The following KMT2C variants were observed in gnomAD, a reference collection of about 807,000 sequenced individuals.
KMT2C encodes lysine methyltransferase 2C.
KMT2C carries 88 observed loss-of-function variants against 507.9 expected under a neutral mutation model. The observed-to-expected ratio is 0.17, with a 90% CI of 0.15 to 0.21. The LOEUF (loss-of-function observed/expected upper bound fraction) is 0.21. KMT2C is among the 10% of genes least tolerant of loss of function. The pLI is 1.00. For synonymous variants in KMT2C, 2,049 were observed against 2,080.8 expected, an observed-to-expected ratio of 0.98 and a Z score of 0.42; for missense variants, 4,954 against 5,957.8, an observed-to-expected ratio of 0.83 and a Z score of 5.55.
Position 152,148,922 on chromosome 7 carries a change from T to G in KMT2C, c.13005A>C (p.Leu4335=). The change falls in exon 52 of 59, where the codon CTA becomes CTC. Residue 4335 remains leucine (L), a synonymous_variant. Coordinates refer to ENST00000262189, the MANE Select transcript of KMT2C (RefSeq NM_170606.3). The surrounding 1 kb of genome is among the most constrained non-coding windows in gnomAD (Gnocchi z 7.1). ...LKVTVKLKPR[L]RAVHGGFEDC... is the part of the protein sequence containing the mutation. The stretch of plus-strand genomic sequence containing the variant: ...CTTCAAACCCACCATGGACAGCTCT[T>G]AGCCGAGGCTTCAGCTTGACTGTCA... The G allele has an allele frequency of 6.2e-7, 1 of 1,613,172 alleles. No homozygotes were observed. Among genetic ancestry groups the G allele is most frequent in the South Asian group, 1.1e-5 (1 of 90,838 alleles).
intron 6 of KMT2C, among the ~76,000 whole-genome samples, chr7:152,297,091 GAGAA>G (rs1157452472): frequency 2.0e-4 from 30 of 147,384 alleles, no homozygotes; most frequent in African/African-American, 3.6e-4. Context: ...GAGAGAGAGA[GAGAA>G]AGAAAGAAAG....
Position 152,149,066 on chromosome 7 carries a change from C to T in KMT2C, c.12861G>A (p.Leu4287=), listed in dbSNP as rs2091390927. ...GGAGCTGGGGGAGACAGTGCACATC[C>T]AAAGTGGAGATGTTGTTGCTGTACT... ...FHQYSNNIST[L]DVHCLPQLPE... Residue 4287 remains leucine, a synonymous_variant, in exon 52 of 59, where the codon TTG becomes TTA. Coordinates refer to ENST00000262189, the MANE Select transcript of KMT2C (RefSeq NM_170606.3). The T allele has an allele frequency of 6.6e-7, 1 of 1,524,298 alleles. No individual in the cohort carries two copies. The highest frequency in any genetic ancestry group is 8.8e-7 in the Non-Finnish European group (1 of 1,140,058). 94.4% of individuals were successfully genotyped at this position (1,524,298 alleles called of 1,614,324 possible). A position where few individuals can be genotyped will look rare whatever the true frequency, so the allele number is the denominator to read the frequency against.
Position 152,194,271 on chromosome 7 carries a change from AT to A in KMT2C, c.4508-11del, listed in dbSNP as rs111901791. 1.0e-4 allele frequency: 147 copies of A among 1,450,752 alleles called. No individual in the cohort carries two copies. The African/African-American group carries it at 1.9e-3, about 19-fold the overall frequency. 89.9% of individuals were successfully genotyped at this position (1,450,752 alleles called of 1,614,324 possible). On this transcript the variant is annotated splice_polypyrimidine_tract_variant and intron_variant, in intron 29 of 58. Transcript: ENST00000262189. ...TTTCCAAGAATTGCTCCTAGAATAA[AT>A]TAAAAAAAAAAAAGAAACATTAACA...
At chr7:152,319,229 A>C (rs2096749219) in intron 3 of KMT2C, among the ~76,000 whole-genome samples, 1 of 152,236 alleles carries the variant, frequency 6.6e-6, no homozygotes, top group African/African-American at 2.4e-5. Context: ...AATATATAAA[A>C]TAAGAATAGT....
At chr7:152,154,171 G>A (rs2129098571) in intron 47 of KMT2C, 25 bp from the exon 48 acceptor site, 2 of 1,612,172 alleles carry the variant, frequency 1.2e-6, no homozygotes, top group Non-Finnish European at 1.7e-6. Context: ...AAAAAAAAGA[G>A]GAAAATAGTG....
At chr7:152,231,626 C>CA (rs1338987626) in intron 16 of KMT2C, among the ~76,000 whole-genome samples, 1 of 152,070 alleles carries the variant, frequency 6.6e-6, no homozygotes, top group Admixed American at 6.5e-5. Flanking sequence ...ACCAAAAATA[C>CA]AAAAAACAGC....
intron 6 of KMT2C, among the ~76,000 whole-genome samples, chr7:152,307,270 G>GAAGA (rs1209778519): frequency 6.1e-5 from 6 of 97,768 alleles, no homozygotes; most frequent in African/African-American, 2.5e-4. Context: ...AGGAAGGAAG[G>GAAGA]AAGAAAGAAA....
intron 1 of KMT2C, among the ~76,000 whole-genome samples, chr7:152,363,930 T>C (rs1245504591): frequency 6.6e-6 from 1 of 152,206 alleles, no homozygotes; most frequent in Admixed American, 6.5e-5. Context: ...ATCAACTGTA[T>C]TGTCTCTAGC....
chr7:152,327,957 CAAAAAAAAAAA>C (rs371396057), intron 3 of KMT2C, among the ~76,000 whole-genome samples: 10 of 78,704 alleles, frequency 1.3e-4, no homozygotes, highest in African/African-American at 5.0e-4. Flanking sequence ...GACTCCGCCT[CAAAAAAAAAAA>C]AAAAAAAGAA....
chr7:152,284,211 C>T (rs955352401), intron 6 of KMT2C, among the ~76,000 whole-genome samples: 3 of 151,452 alleles, frequency 2.0e-5, no homozygotes, highest in Non-Finnish European at 4.4e-5. Context: ...AATATCAACT[C>T]ATGATTTTGA....
chr7:152,194,660 A>G, intron 28 of KMT2C, 92 bp from the exon 29 acceptor site: 2 of 864,068 alleles, frequency 2.3e-6, no homozygotes. Context: ...GTATATAACA[A>G]TATGATTAAA....
At chr7:152,254,133 T>C (rs747629063) in intron 9 of KMT2C, among the ~76,000 whole-genome samples, 1 of 152,072 alleles carries the variant, frequency 6.6e-6, no homozygotes, top group Non-Finnish European at 1.5e-5. Flanking sequence ...AAATCCTAAA[T>C]AGCTGGGCAC....
intron 50 of KMT2C, among the ~76,000 whole-genome samples, 158 bp from the exon 51 acceptor site, chr7:152,151,165 T>G (rs948570072): frequency 4.6e-5 from 7 of 152,202 alleles, no homozygotes; most frequent in African/African-American, 1.7e-4. Flanking sequence ...ATGTGATAAT[T>G]TAGCTAGGGA....
At chr7:152,220,464 G>C (rs2094730676) in intron 23 of KMT2C, 59 bp downstream of exon 23, 2 of 1,330,176 alleles carry the variant, frequency 1.5e-6, no homozygotes, top group African/African-American at 1.4e-5. Flanking sequence ...TATTTCAAAA[G>C]TTACTTTATA....
At chr7:152,332,829 C>T (rs1309253351) in intron 2 of KMT2C, among the ~76,000 whole-genome samples, 1 of 148,242 alleles carries the variant, frequency 6.7e-6, no homozygotes, top group Non-Finnish European at 1.5e-5. Flanking sequence ...GCCTGGGCAA[C>T]AGGAATGAAA....
intron 28 of KMT2C, chr7:152,195,704 C>A (rs762800727): frequency 2.1e-5 from 6 of 282,036 alleles, no homozygotes; most frequent in Non-Finnish European, 2.7e-5. Flanking sequence ...ATTAGAAAGA[C>A]GACAGAAATT....
rs56753294 is a variant in KMT2C at position 152,154,307 on chromosome 7, C to T, written c.12099G>A (p.Pro4033=). The T allele has an allele frequency of 8.1e-3, 12,994 of 1,614,030 alleles. 890 individuals are homozygous for T. The African/African-American group carries it at 0.15, about 19-fold the overall frequency. Residue 4033 remains proline (P), a synonymous_variant, in exon 47 of 59, where the codon CCG becomes CCA. Coordinates refer to ENST00000262189, the MANE Select transcript of KMT2C (RefSeq NM_170606.3). ...TAGGAAGAATTGGAATGATGGGGGA[C>T]GGCACCGGTTCTGGAGGCTCCTCCT... ...LVKEEPPEPV[P]SPIIPILPST... is the part of the protein sequence containing the mutation.
intron 18 of KMT2C, among the ~76,000 whole-genome samples, chr7:152,227,897 G>A (rs2094983192): frequency 6.6e-6 from 1 of 152,146 alleles, no homozygotes; most frequent in Admixed American, 6.5e-5. Context: ...AAAGACACTG[G>A]TGAACAGGGA....
chr7:152,156,031 A>C lies in KMT2C; in HGVS notation c.11839T>G (p.Phe3947Val). 1 of 1,605,580 alleles carries C rather than the reference A, an allele frequency of 6.2e-7. No homozygotes were observed. The highest frequency in any genetic ancestry group is 8.5e-7 in the Non-Finnish European group (1 of 1,178,040). ...TCCTGGGGTCTGAAGGGCAGCTGAA[A>C]TGGTTTAGGTCCTAGAGTTTTGGTA... ...EVTKTLGPKP[F>V]QLPFRPQDDL... Residue 3947 changes from phenylalanine (F) to valine (V), a missense_variant, in exon 46 of 59, where the codon TTT (phenylalanine) becomes GTT (valine). Phe to Val is a conservative substitution (Grantham distance 50). This residue lies in a region of KMT2C where 104 missense variants were observed against 134.3 expected (regional missense o/e 0.77). Coordinates refer to ENST00000262189, the MANE Select transcript of KMT2C (RefSeq NM_170606.3).
Sources: gnomAD v4.1 joint callset for allele counts (sites outside exome capture counted in the v4.1 genomes callset) on GRCh38, gnomAD v4.1.1 for gene constraint, gnomAD v4.1.1 regional missense constraint, Gnocchi (gnomAD v3.1) non-coding constraint, MANE v1.5 for transcripts, NCBI Gene and HGNC (gene_info 2026-07-23, HGNC 2026-07-21) for gene names.